Variants in CDH13 observed in about 807,000 individuals in gnomAD.
CDH13 encodes cadherin-13.
A neutral mutation model predicts 63.8 loss-of-function variants in CDH13; 24 were observed. The ratio of observed to expected loss-of-function variants is 0.38; its 90% CI spans 0.27 to 0.53. CDH13 has a LOEUF of 0.53. Ranked by LOEUF, CDH13 falls within the 20% of genes least tolerant of loss-of-function variation. The probability of loss-of-function intolerance (pLI) is 0.85; values close to 1 mark genes in which losing one functional copy is unlikely to be tolerated. For missense variants in CDH13, 1,049 were observed against 903.1 expected (o/e 1.16, Z -2.07); for synonymous variants, 503 against 355.3 (o/e 1.42, Z -4.67).
rs1330630780 is a variant in CDH13, at chr16:83,160,238, C to G, written c.483+34737C>G. 2.6e-5 allele frequency among the ~76,000 whole-genome samples: 4 copies of G among 151,810 alleles called. No individual in the cohort carries two copies. The East Asian group carries it at 7.7e-4, about 29-fold the overall frequency. On this transcript the variant is annotated intron_variant, in intron 4 of 13. Transcript: ENST00000567109. ...GGTTCAATGACTGTATCAAATGTAC[C>G]ACTCTGGTGGGGGTCATTGGTAATG...
rs1312471147 is a variant in CDH13, at chr16:82,966,237, C to G, written c.158-65773C>G. ...GATCTCGGCCCATGGCAACCTCCGC[C>G]TCCCGGGTTGACGCCATTCTCCTGC... On this transcript the variant is annotated intron_variant, in intron 2 of 13. Coordinates refer to ENST00000567109, the MANE Select transcript of CDH13 (RefSeq NM_001257.5). 2.6e-5 allele frequency among the ~76,000 whole-genome samples: 4 copies of G among 152,334 alleles called. No individual in the cohort carries two copies. In the East Asian group the frequency reaches 7.7e-4, roughly 29 times the overall value.
chr16:83,033,297 C>A (rs150711276), intron 3 of CDH13, among the ~76,000 whole-genome samples: 3 of 151,664 alleles, frequency 2.0e-5, no homozygotes, highest in South Asian at 4.2e-4. Context: ...TAATTGTTTA[C>A]GGTTCTGTAT....
chr16:83,252,607 C>T (rs1905713785), intron 5 of CDH13, among the ~76,000 whole-genome samples: 1 of 152,068 alleles, frequency 6.6e-6, no homozygotes, highest in African/African-American at 2.4e-5. Context: ...AAGTGCTGGC[C>T]GTTGGTGTCT....
intron 7 of CDH13, among the ~76,000 whole-genome samples, chr16:83,549,253 A>C (rs543474927): frequency 5.4e-4 from 83 of 152,302 alleles, no homozygotes; most frequent in African/African-American, 1.9e-3. Flanking sequence ...GTTGGTTCCG[A>C]GAAAACATCC....
intron 7 of CDH13, among the ~76,000 whole-genome samples, chr16:83,599,477 C>A (rs1482382953): frequency 6.6e-6 from 1 of 152,166 alleles, no homozygotes; most frequent in Non-Finnish European, 1.5e-5. Context: ...CCTAGTAATT[C>A]CACATCTTGG....
At chr16:83,620,107 G>A (rs1173839994) in intron 8 of CDH13, among the ~76,000 whole-genome samples, 1 of 151,856 alleles carries the variant, frequency 6.6e-6, no homozygotes, top group African/African-American at 2.4e-5. Context: ...GAGATAGGGA[G>A]GGGGGCCGGG....
At chr16:83,313,675 C>G (rs1261046324) in intron 5 of CDH13, among the ~76,000 whole-genome samples, 1 of 149,568 alleles carries the variant, frequency 6.7e-6, no homozygotes, top group East Asian at 2.0e-4. Flanking sequence ...AAGGGAGGTC[C>G]TTGGTATTAC....
intron 5 of CDH13, among the ~76,000 whole-genome samples, chr16:83,283,935 A>G (rs1199140819): frequency 1.3e-5 from 2 of 152,162 alleles, no homozygotes. Context: ...TCAGCATTTG[A>G]CACATAGCAA....
chr16:83,064,566 A>G (rs2031846181), intron 3 of CDH13, among the ~76,000 whole-genome samples: 1 of 152,202 alleles, frequency 6.6e-6, no homozygotes, highest in South Asian at 2.1e-4. Flanking sequence ...TGATCATTCC[A>G]TCATTTAAGC....
intron 1 of CDH13, among the ~76,000 whole-genome samples, chr16:82,802,099 TTATC>T (rs2036887961): frequency 2.4e-5 from 3 of 125,280 alleles, no homozygotes; most frequent in Admixed American, 2.3e-4. Flanking sequence ...ACTGGGTTAT[TTATC>T]TATCATCTCC....
intron 7 of CDH13, among the ~76,000 whole-genome samples, chr16:83,584,898 C>G (rs1304290654): frequency 6.9e-6 from 1 of 144,412 alleles, no homozygotes; most frequent in Non-Finnish European, 1.5e-5. Flanking sequence ...AAAACAGAAG[C>G]AAGAGATAGG....
chr16:82,878,947 G>C (rs1392512635), intron 2 of CDH13, among the ~76,000 whole-genome samples: 2 of 152,012 alleles, frequency 1.3e-5, no homozygotes, highest in African/African-American at 4.8e-5. Flanking sequence ...AGGTGACAGG[G>C]GCTTCTGTTT....
chr16:83,087,653 G>T (rs1407405702), intron 3 of CDH13, among the ~76,000 whole-genome samples: 1 of 101,482 alleles, frequency 9.9e-6, no homozygotes, highest in Admixed American at 1.6e-4. Flanking sequence ...GGGCGACGAA[G>T]CAAGACTCCC....
chr16:83,472,325 G>A (rs542517196), intron 6 of CDH13, among the ~76,000 whole-genome samples: 5 of 152,258 alleles, frequency 3.3e-5, no homozygotes, highest in South Asian at 4.1e-4. Context: ...TATGTTAGAC[G>A]GTGCCCTGTG....
intron 7 of CDH13, among the ~76,000 whole-genome samples, chr16:83,502,727 C>T (rs1357302882): frequency 1.3e-5 from 2 of 152,192 alleles, no homozygotes; most frequent in Non-Finnish European, 1.5e-5. Flanking sequence ...ACATTAGCTT[C>T]ATGGCCGTTA....
At position 83,679,097 on chromosome 16, in the gene CDH13, T is replaced by TTAATAATAA. The variant is rs58075126; in HGVS notation, c.1538+641_1538+649dup. Among the ~76,000 whole-genome samples the TTAATAATAA allele has an allele frequency of 4.3e-3, 657 of 151,090 alleles. 26 individuals are homozygous for TTAATAATAA. In the East Asian group the frequency reaches 0.085, roughly 19 times the overall value. ...CTGCCTGATGAGGGGCAGGCAAAAA[T>TTAATAATAA]TAATAATAATAATGTCTTCAGAAAT... On this transcript the variant is annotated intron_variant, in intron 10 of 13. Coordinates refer to ENST00000567109, the MANE Select transcript of CDH13 (RefSeq NM_001257.5).
At chr16:82,858,185 C>CA (rs772151731) in intron 1 of CDH13, among the ~76,000 whole-genome samples, 177 bp from the exon 2 acceptor site, 2 of 152,148 alleles carry the variant, frequency 1.3e-5, no homozygotes, top group East Asian at 3.9e-4. Flanking sequence ...GCGTATTCTC[C>CA]AAATCTCAGT....
chr16:82,686,764 C>T (rs1034647133), intron 1 of CDH13, among the ~76,000 whole-genome samples: 2 of 152,102 alleles, frequency 1.3e-5, no homozygotes, highest in Non-Finnish European at 2.9e-5. Flanking sequence ...TCAAGAAGAG[C>T]CTTTATAAAT....
chr16:83,022,350 A>C lies in CDH13; in HGVS notation c.158-9660A>C, dbSNP rs141542611. 4.9e-3 allele frequency among the ~76,000 whole-genome samples: 742 copies of C among 152,336 alleles called. 2 individuals carry two copies. Among genetic ancestry groups the C allele is most frequent in the Non-Finnish European group, 7.7e-3 (526 of 68,026 alleles). ...TAGCTGGGTCTCTCCATCTCAGGCA[A>C]AACAGACAATCTACATTCTTATGCT... On this transcript the variant is annotated intron_variant, in intron 2 of 13. Coordinates refer to ENST00000567109, the MANE Select transcript of CDH13 (RefSeq NM_001257.5).
Sources: allele counts gnomAD v4.1 joint callset (sites outside exome capture counted in the v4.1 genomes callset), GRCh38; gene constraint gnomAD v4.1.1; transcripts MANE v1.5; gene names NCBI Gene and HGNC (gene_info 2026-07-23, HGNC 2026-07-21).